ADGRF5: variants seen among roughly 807,000 people sequenced by gnomAD.
ADGRF5 encodes G-protein coupled receptor 116.
ADGRF5 carries 75 observed loss-of-function variants against 132.3 expected under a neutral mutation model. The ratio of observed to expected loss-of-function variants is 0.57; its 90% CI spans 0.47 to 0.69. The LOEUF (loss-of-function observed/expected upper bound fraction) is 0.69. Ranked by LOEUF, ADGRF5 falls within the 30% of genes least tolerant of loss-of-function variation. The pLI, the probability that ADGRF5 is intolerant of heterozygous loss-of-function variation, is 0.00. For synonymous variants in ADGRF5, 629 were observed against 597.6 expected (o/e 1.05, Z -0.77); for missense variants, 1,516 against 1,630.6 (o/e 0.93, Z 1.21).
At chr6:46,877,391 T>A (rs1447055173) in intron 10 of ADGRF5, among the ~76,000 whole-genome samples, 3 of 149,824 alleles carry the variant, frequency 2.0e-5, no homozygotes, top group Non-Finnish European at 4.4e-5. Context: ...CTTTCTTCTT[T>A]CTTTTTTTTC....
intron 1 of ADGRF5, among the ~76,000 whole-genome samples, chr6:46,929,284 T>C (rs1777420776): frequency 1.3e-5 from 2 of 151,874 alleles, no homozygotes; most frequent in South Asian, 4.2e-4. Flanking sequence ...TAGGTGAGAA[T>C]TGAACAATGA....
At chr6:46,907,111 TG>T (rs1562223664) in intron 1 of ADGRF5, among the ~76,000 whole-genome samples, 121 of 152,344 alleles carry the variant, frequency 7.9e-4, no homozygotes, top group African/African-American at 2.7e-3. Context: ...TTTCGCTACA[TG>T]CAATATACTT....
intron 3 of ADGRF5, among the ~76,000 whole-genome samples, chr6:46,895,551 G>T (rs545086553): frequency 6.6e-6 from 1 of 151,258 alleles, no homozygotes; most frequent in African/African-American, 2.4e-5. Flanking sequence ...CGTGCTAGCA[G>T]CCAGAGACCC....
At chr6:46,952,561 G>A (rs797014856) in intron 1 of ADGRF5, among the ~76,000 whole-genome samples, 8 of 152,320 alleles carry the variant, frequency 5.3e-5, no homozygotes, top group African/African-American at 1.7e-4. Context: ...AATATTTGGT[G>A]AGTAAATGAA....
chr6:46,898,544 G>A lies in ADGRF5; in HGVS notation c.157+1485C>T, dbSNP rs538744198. On this transcript the variant is annotated intron_variant, in intron 3 of 20. Transcript: ENST00000283296. The stretch of plus-strand genomic sequence containing the variant: ...GGGCTAAGAAAACAAAGGCTGAAAC[G>A]GAAAAGAAAAGAAAGGGAAGAGAAA... 5.9e-5 allele frequency among the ~76,000 whole-genome samples: 9 copies of A among 152,194 alleles called. No homozygotes were observed. The South Asian group carries it at 1.9e-3, about 32-fold the overall frequency.
At chr6:46,926,477 G>A (rs1254009554), upstream of ADGRF5, among the ~76,000 whole-genome samples, 2 of 19,618 alleles carry the variant, frequency 1.0e-4, no homozygotes, top group African/African-American at 7.2e-4. Flanking sequence ...ACAGCATCTC[G>A]GGTGAGGGGG....
At position 46,853,784 on chromosome 6, in the gene ADGRF5, G is replaced by A; in HGVS notation, c.*208C>T. ...ACTATACACATGTGGTATCACACAA[G>A]GGGGAGGGGGAGGGAACAAACAGAA... On this transcript the variant is annotated 3_prime_UTR_variant, in exon 21 of 21. Transcript: ENST00000283296. The A allele has an allele frequency of 4.7e-6, 2 of 428,352 alleles. No homozygotes were observed. Among genetic ancestry groups the A allele is most frequent in the Non-Finnish European group, 8.3e-6 (2 of 240,302 alleles). The allele number at this position is 428,352 out of a possible 1,614,324, so 26.5% of individuals were successfully genotyped here. A position where few individuals can be genotyped will look rare whatever the true frequency, so the allele number is the denominator to read the frequency against.
At chr6:46,924,047 A>G (rs9472909), upstream of ADGRF5, among the ~76,000 whole-genome samples, 1,342 of 152,326 alleles carry the variant, frequency 8.8e-3, 19 homozygotes, top group African/African-American at 0.03. Context: ...ATTAGAGACA[A>G]AGCTCCTACT....
At chr6:46,857,711 A>G (rs1769217788) in intron 17 of ADGRF5, among the ~76,000 whole-genome samples, 1 of 152,198 alleles carries the variant, frequency 6.6e-6, no homozygotes, top group Non-Finnish European at 1.5e-5. Flanking sequence ...CATTCAAATG[A>G]TTATTGAGAA....
intron 5 of ADGRF5, 107 bp downstream of exon 5, chr6:46,883,988 C>T: frequency 1.1e-6 from 1 of 924,578 alleles, no homozygotes; most frequent in Non-Finnish European, 1.7e-6. Context: ...GTGATCCATC[C>T]ACATCGGACT....
intron 8 of ADGRF5, among the ~76,000 whole-genome samples, chr6:46,880,939 A>T (rs1363856585): frequency 6.9e-6 from 1 of 144,026 alleles, no homozygotes; most frequent in Non-Finnish European, 1.6e-5. Context: ...AAAAATAATA[A>T]AAAAAAAAAT....
intron 2 of ADGRF5, chr6:46,905,402 A>G (rs1775235934): frequency 6.6e-6 from 1 of 152,148 alleles, no homozygotes; most frequent in Non-Finnish European, 1.5e-5. Flanking sequence ...AGAACCAAAA[A>G]TGGAAAGAGG....
chr6:46,869,115 A>G, intron 11 of ADGRF5, 23 bp from the exon 12 acceptor site: 4 of 1,606,142 alleles, frequency 2.5e-6, no homozygotes, highest in Non-Finnish European at 3.4e-6. Context: ...CAAACAAAAC[A>G]GACAAAAGAA....
intron 11 of ADGRF5, among the ~76,000 whole-genome samples, chr6:46,870,015 G>T (rs1391601868): frequency 6.6e-6 from 1 of 151,778 alleles, no homozygotes; most frequent in African/African-American, 2.4e-5. Flanking sequence ...GTCTAACTGT[G>T]CACTTCTCTT....
rs550769258 is a variant in ADGRF5, at chr6:46,950,715, G to A, written c.-25+4019C>T. 5.3e-5 allele frequency among the ~76,000 whole-genome samples: 8 copies of A among 152,184 alleles called. No individual in the cohort carries two copies. The South Asian group carries it at 8.3e-4, about 16-fold the overall frequency. ...TTTTTAGTAGAGACGGGGTTTCACC[G>A]TGTTAGCCAGGAAGGTCTCGATCTC... On this transcript the variant is annotated intron_variant, in intron 1 of 20. Transcript: ENST00000265417.
chr6:46,909,559 C>A (rs565711993), intron 1 of ADGRF5, among the ~76,000 whole-genome samples: 119 of 152,338 alleles, frequency 7.8e-4, no homozygotes, highest in African/African-American at 2.8e-3. Context: ...CTCAGCAACA[C>A]TGCATCTGGA....
intron 1 of ADGRF5, among the ~76,000 whole-genome samples, chr6:46,941,456 G>GAAAAGAAAAGAA (rs1561838978): frequency 5.9e-4 from 25 of 42,130 alleles, no homozygotes; most frequent in African/African-American, 1.7e-3. Flanking sequence ...GAAAAGAAAA[G>GAAAAGAAAAGAA]AAAAGAAAAG....
At chr6:46,953,529 C>T (rs1345163090) in intron 1 of ADGRF5, among the ~76,000 whole-genome samples, 1 of 150,530 alleles carries the variant, frequency 6.6e-6, no homozygotes, top group Non-Finnish European at 1.5e-5. Context: ...GGCTGAGGCA[C>T]AAAGATCACT....
rs1366495628 is a variant in ADGRF5, at chr6:46,872,811, T to A, written c.1241-798A>T. The stretch of plus-strand genomic sequence containing the variant: ...CTGCTGCCATGCACTCCTAAGGGAA[T>A]CTTCAAACACTATCAATCTTCCGAA... On this transcript the variant is annotated intron_variant, in intron 10 of 20. Coordinates refer to ENST00000283296, the MANE Select transcript of ADGRF5 (RefSeq NM_001098518.2). 2.0e-5 allele frequency among the ~76,000 whole-genome samples: 3 copies of A among 152,158 alleles called. No individual in the cohort carries two copies. The East Asian group carries it at 5.8e-4, about 29-fold the overall frequency.
Sources: allele counts gnomAD v4.1 joint callset (sites outside exome capture counted in the v4.1 genomes callset), GRCh38; gene constraint gnomAD v4.1.1; transcripts MANE v1.5; gene names NCBI Gene and HGNC (gene_info 2026-07-23, HGNC 2026-07-21).